ACSS3: variants seen among roughly 807,000 people sequenced by gnomAD.
The protein encoded by ACSS3 is acyl-CoA synthetase short chain family member 3, also known as acyl-CoA synthetase short-chain family member 3, mitochondrial.
A neutral mutation model predicts 84.2 loss-of-function variants in ACSS3; 64 were observed. The observed-to-expected ratio is 0.76, with a 90% CI of 0.62 to 0.94. The LOEUF (loss-of-function observed/expected upper bound fraction) is 0.94. Among genes scored for constraint, ACSS3 ranks in the 40% least tolerant of loss-of-function variants. The pLI is 0.00. For missense variants in ACSS3, 815 were observed against 867.6 expected, an observed-to-expected ratio of 0.94 and a Z score of 0.76; for synonymous variants, 317 against 310.1, an observed-to-expected ratio of 1.02 and a Z score of -0.23.
chr12:81,242,021 T>G (rs1414187903), intron 13 of ACSS3, among the ~76,000 whole-genome samples: 6 of 152,144 alleles, frequency 3.9e-5, no homozygotes, highest in Admixed American at 2.0e-4. Context: ...ATATAAGGTG[T>G]AAGGAAGGGA....
Position 81,258,143 on chromosome 12 carries a change from C to T in ACSS3, c.*3221C>T, listed in dbSNP as rs2034387096. On this transcript the variant is annotated 3_prime_UTR_variant, in exon 16 of 16. Transcript: ENST00000548058. ...CACTCCCATAAGCAAGTTTAGATCTCCCTCTTGTGGCAGACTCAATTTTGA... is the reference window on the plus strand; with the variant it reads ...CACTCCCATAAGCAAGTTTAGATCTTCCTCTTGTGGCAGACTCAATTTTGA... The T allele has an allele frequency of 6.6e-6, 1 of 152,056 alleles. No homozygotes were observed. The highest frequency in any genetic ancestry group is 1.5e-5 in the Non-Finnish European group (1 of 68,006). 9.4% of individuals were successfully genotyped at this position (152,056 alleles called of 1,614,324 possible).
chr12:81,080,592 A>G (rs1880906673), intron 1 of ACSS3, among the ~76,000 whole-genome samples: 2 of 152,048 alleles, frequency 1.3e-5, no homozygotes, highest in Non-Finnish European at 2.9e-5. Flanking sequence ...GTTGGGAGGG[A>G]AGTAGACGTA....
chr12:81,179,271 C>CAAAAAAAAAAAAAAAA (rs71098127), intron 8 of ACSS3, among the ~76,000 whole-genome samples: 7 of 66,792 alleles, frequency 1.0e-4, no homozygotes, highest in African/African-American at 1.3e-4. Context: ...AAGTAATTGC[C>CAAAAAAAAAAAAAAAA]AAAAAAAAAA....
intron 2 of ACSS3, among the ~76,000 whole-genome samples, chr12:81,114,172 CT>C (rs1883840913): frequency 6.6e-6 from 1 of 152,022 alleles, no homozygotes; most frequent in African/African-American, 2.4e-5. Context: ...TACATGTATA[CT>C]GGGAAAATTG....
At chr12:81,126,377 G>A (rs1225948854) in intron 2 of ACSS3, among the ~76,000 whole-genome samples, 2 of 152,128 alleles carry the variant, frequency 1.3e-5, no homozygotes, top group Non-Finnish European at 2.9e-5. Flanking sequence ...TTTATTGCAT[G>A]CACCCTAGTC....
At chr12:81,136,935 A>G (rs1565998131) in intron 3 of ACSS3, among the ~76,000 whole-genome samples, 1 of 152,174 alleles carries the variant, frequency 6.6e-6, no homozygotes, top group Non-Finnish European at 1.5e-5. Flanking sequence ...GGTGCTTATC[A>G]GAGCAAGAGA....
Position 81,109,707 on chromosome 12 carries a change from A to G in ACSS3, c.456+3A>G. 6.3e-7 allele frequency: 1 copy of G among 1,588,088 alleles called. No homozygotes were observed. Among genetic ancestry groups the G allele is most frequent in the Non-Finnish European group, 8.5e-7 (1 of 1,170,482 alleles). On this transcript the variant is annotated splice_donor_region_variant and intron_variant, in intron 2 of 15. Transcript: ENST00000548058. ...CCTATAAAGAAGTTCTGGAGCAGGT[A>G]ATATCATAAACTTTATATATGTATA...
intron 7 of ACSS3, among the ~76,000 whole-genome samples, chr12:81,165,892 A>C (rs536842862): frequency 6.6e-6 from 1 of 152,198 alleles, no homozygotes; most frequent in Non-Finnish European, 1.5e-5. Context: ...AATTAATAAT[A>C]ATTATTATTG....
At chr12:81,178,208 T>G (rs965143337) in intron 8 of ACSS3, among the ~76,000 whole-genome samples, 5 of 149,546 alleles carry the variant, frequency 3.3e-5, no homozygotes, top group Non-Finnish European at 7.4e-5. Flanking sequence ...GTAAACTATC[T>G]CAAGGACAAA....
At chr12:81,138,178 T>C (rs553446855) in intron 3 of ACSS3, among the ~76,000 whole-genome samples, 1 of 152,368 alleles carries the variant, frequency 6.6e-6, no homozygotes, top group Non-Finnish European at 1.5e-5. Context: ...ATTTATTATG[T>C]GTCTCTTTTG....
At chr12:81,118,845 G>A (rs904901215) in intron 2 of ACSS3, among the ~76,000 whole-genome samples, 7 of 152,074 alleles carry the variant, frequency 4.6e-5, no homozygotes, top group Middle Eastern at 3.2e-3. Context: ...TGAATTTCAG[G>A]AATTTATAGT....
At chr12:81,161,562 GC>G (rs1316627416) in intron 7 of ACSS3, among the ~76,000 whole-genome samples, 2 of 152,148 alleles carry the variant, frequency 1.3e-5, no homozygotes, top group African/African-American at 4.8e-5. Context: ...CTTACTGAAT[GC>G]TTTTTCTTAA....
At position 81,210,590 on chromosome 12, in the gene ACSS3, A is replaced by C. The variant is rs138006678; in HGVS notation, c.1355-6311A>C. 2.1e-3 allele frequency among the ~76,000 whole-genome samples: 319 copies of C among 152,294 alleles called. 1 individual carries two copies. The highest frequency in any genetic ancestry group is 7.0e-3 in the African/African-American group (290 of 41,540). On this transcript the variant is annotated intron_variant, in intron 9 of 15. Transcript: ENST00000548058. The stretch of plus-strand genomic sequence containing the variant: ...GATATGGGGATGCTAGCTGATTCCA[A>C]TATATACCCAGAATTAGAATACTAA...
chr12:81,111,954 A>G (rs989373461), intron 2 of ACSS3, among the ~76,000 whole-genome samples: 1 of 152,138 alleles, frequency 6.6e-6, no homozygotes, highest in Non-Finnish European at 1.5e-5. Context: ...ATCGTTTGGT[A>G]TTTTTTATTG....
chr12:81,078,159 C>A lies in ACSS3; in HGVS notation c.39C>A (p.Ser13Arg). 2.0e-6 allele frequency: 3 copies of A among 1,515,434 alleles called. No individual in the cohort carries two copies. Among genetic ancestry groups the A allele is most frequent in the East Asian group, 2.4e-5 (1 of 41,142 alleles). The allele number at this position is 1,515,434 out of a possible 1,614,324, so 93.9% of individuals were successfully genotyped here. ...GGCTGCAGTGTCGTAAAGTCACCAG[C>A]GCCGGGGGGCTCGGAGGGCCCTTGC... ...PSWLQCRKVT[S>R]AGGLGGPLPG... Residue 13 changes from serine to arginine, a missense_variant, in exon 1 of 16, where the codon AGC becomes AGA. Coordinates refer to ENST00000548058, the MANE Select transcript of ACSS3 (RefSeq NM_024560.4).
At chr12:81,120,424 A>G (rs1281525754) in intron 2 of ACSS3, among the ~76,000 whole-genome samples, 6 of 152,138 alleles carry the variant, frequency 3.9e-5, no homozygotes, top group Non-Finnish European at 7.4e-5. Context: ...TGCATCAACA[A>G]TTTTCTGTTT....
chr12:81,093,568 CA>C (rs1881816369), intron 1 of ACSS3, among the ~76,000 whole-genome samples: 1 of 150,236 alleles, frequency 6.7e-6, no homozygotes, highest in African/African-American at 2.4e-5. Context: ...GCAGGAAAGT[CA>C]AATATCTTGC....
At chr12:81,119,628 A>G (rs1884392138) in intron 2 of ACSS3, among the ~76,000 whole-genome samples, 2 of 152,038 alleles carry the variant, frequency 1.3e-5, no homozygotes, top group African/African-American at 4.8e-5. Context: ...GAATTCAGTG[A>G]TATCTTCCCT....
chr12:81,230,920 C>A, intron 11 of ACSS3, 137 bp from the exon 12 acceptor site: 1 of 696,836 alleles, frequency 1.4e-6, no homozygotes, highest in Non-Finnish European at 2.4e-6. Context: ...CATGATCTGT[C>A]CAGCAGATTT....
Sources: gnomAD v4.1 joint callset for allele counts (sites outside exome capture counted in the v4.1 genomes callset) on GRCh38, gnomAD v4.1.1 for gene constraint, MANE v1.5 for transcripts, NCBI Gene and HGNC (gene_info 2026-07-23, HGNC 2026-07-21) for gene names.